The following TMEM132A variants were observed in gnomAD, a reference collection of about 807,000 sequenced individuals.
TMEM132A encodes the protein GRP78-binding protein.
TMEM132A carries 48 observed loss-of-function variants against 69.9 expected under a neutral mutation model. That is an observed-to-expected ratio of 0.69 (90% CI 0.55 to 0.87). The LOEUF (loss-of-function observed/expected upper bound fraction) is 0.87. Among genes scored for constraint, TMEM132A ranks in the 40% least tolerant of loss-of-function variants. The probability of loss-of-function intolerance (pLI) is 0.00; values close to 1 mark genes in which losing one functional copy is unlikely to be tolerated. For missense variants in TMEM132A, 1,287 were observed against 1,407.2 expected (o/e 0.91, Z 1.37); for synonymous variants, 577 against 613.7 (o/e 0.94, Z 0.88).
In TMEM132A at chr11:60,936,720, G is replaced by A. The variant is rs762531068; in HGVS notation, c.2885G>A (p.Arg962Gln). 57 of 1,589,972 alleles carry A rather than the reference G, an allele frequency of 3.6e-5. No homozygotes were observed. Among genetic ancestry groups the A allele is most frequent in the East Asian group, 4.5e-5 (2 of 44,572 alleles). Residue 962 changes from arginine (R) to glutamine (Q), a missense_variant, in exon 11 of 11, where the codon CGA becomes CAA. Physicochemically the swap from Arg to Gln is conservative, Grantham distance 43 (BLOSUM62 1). Transcript: ENST00000453848. ...ARKEAGGRRK[R>Q]VEFVTFAPAP... ...AAGGAGGCTGGGGGGCGGCGGAAGC[G>A]AGTAGAGTTTGTGACATTTGCGCCA... is the stretch of plus-strand genomic sequence containing the variant.
chr11:60,931,921 G>A lies in TMEM132A; in HGVS notation c.1212+37G>A, dbSNP rs766573615. On this transcript the variant is annotated intron_variant, in intron 6 of 10. Coordinates refer to ENST00000453848, the MANE Select transcript of TMEM132A (RefSeq NM_178031.3). ...TCCATCTCTGCCTGGGAAGGCTGGA[G>A]GCCAAGTCCCAGGAGCCCCATGAGC... is the stretch of plus-strand genomic sequence containing the variant. 14 of 1,614,034 alleles carry A rather than the reference G, an allele frequency of 8.7e-6. No homozygotes were observed. In the African/African-American group the frequency reaches 1.5e-4, roughly 17 times the overall value.
rs528088514 is a variant in TMEM132A, at chr11:60,934,668, C to A, written c.1740C>A (p.Leu580=). 1 of 1,599,652 alleles carries A rather than the reference C, an allele frequency of 6.3e-7. No individual in the cohort carries two copies. Among genetic ancestry groups the A allele is most frequent in the East Asian group, 2.2e-5 (1 of 44,750 alleles). The change falls in exon 9 of 11, where the codon CTC becomes CTA. Residue 580 remains leucine (L), a synonymous_variant. Transcript: ENST00000453848. ...ACTGGCTGCTAGACGTGTCCCACCT[C>A]GTGGCGCCACACGCCCGCGTGCTGG... ...GPDWLLDVSH[L]VAPHARVLDS...
At chr11:60,925,452 C>G (rs956316885) in intron 1 of TMEM132A, 1 of 152,184 alleles carries the variant, frequency 6.6e-6, no homozygotes, top group African/African-American at 2.4e-5. Flanking sequence ...GATGGGAGTC[C>G]GTGGGAGTCA....
chr11:60,935,963 G>A lies in TMEM132A; in HGVS notation c.2128G>A (p.Glu710Lys), dbSNP rs1170700598. ...RDLGLSVSAE[E>K]PGAILPAEEQ... Reference sequence around the variant, plus strand: ...CCTGGGACTGTCCGTCTCAGCCGAGGAGCCTGGTGCCATCCTGCCAGCTGA... The same window carrying A: ...CCTGGGACTGTCCGTCTCAGCCGAGAAGCCTGGTGCCATCCTGCCAGCTGA... Residue 710 changes from glutamate (E) to lysine (K), a missense_variant, in exon 11 of 11, where the codon GAG becomes AAG. Glu to Lys is a moderately conservative substitution (Grantham distance 56). Coordinates refer to ENST00000453848, the MANE Select transcript of TMEM132A (RefSeq NM_178031.3). The surrounding 1 kb of genome is among the most constrained non-coding windows in gnomAD (Gnocchi z 5.0). 1.2e-6 allele frequency: 2 copies of A among 1,611,544 alleles called. No individual in the cohort carries two copies. Among genetic ancestry groups the A allele is most frequent in the South Asian group, 1.1e-5 (1 of 90,990 alleles).
Position 60,930,562 on chromosome 11 carries a change from A to G in TMEM132A, c.919A>G (p.Thr307Ala). 1 of 1,613,038 alleles carries G rather than the reference A, an allele frequency of 6.2e-7. No homozygotes were observed. Among genetic ancestry groups the G allele is most frequent in the South Asian group, 1.1e-5 (1 of 90,988 alleles). ...HVTAARPAQP[T>A]LWTAKLDRFK... ...GACAGCCGCCCGCCCAGCCCAGCCC[A>G]CACTCTGGACTGCCAAGCTGGACCG... The change falls in exon 5 of 11, where the codon ACA (threonine) becomes GCA (alanine). Residue 307 changes from threonine (T) to alanine (A), a missense_variant. By Grantham distance (58) the Thr-to-Ala change is moderately conservative. Transcript: ENST00000453848.
At chr11:60,934,133 C>T (rs567964110) in intron 8 of TMEM132A, 12 of 367,434 alleles carry the variant, frequency 3.3e-5, no homozygotes, top group Admixed American at 1.9e-4. Flanking sequence ...TGAACACCCT[C>T]GGAGGGGGCT....
At position 60,937,127 on chromosome 11, in the gene TMEM132A, A is replaced by G. The variant is rs569867348; in HGVS notation, c.*220A>G. 206 of 1,516,952 alleles carry G rather than the reference A, an allele frequency of 1.4e-4. No homozygotes were observed. In the African/African-American group the frequency reaches 2.0e-3, roughly 15 times the overall value. The allele number at this position is 1,516,952 out of a possible 1,614,324, so 94.0% of individuals were successfully genotyped here. A position where few individuals can be genotyped will look rare whatever the true frequency, so the allele number is the denominator to read the frequency against. On this transcript the variant is annotated 3_prime_UTR_variant, in exon 11 of 11. Transcript: ENST00000453848. The stretch of plus-strand genomic sequence containing the variant: ...GCCCCTTATTTATGGGAACCATTTC[A>G]TTCTAACAGAATAAACCGAGAAGGA...
chr11:60,933,898 C>A, intron 8 of TMEM132A, 154 bp downstream of exon 8: 1 of 660,792 alleles, frequency 1.5e-6, no homozygotes, highest in Non-Finnish European at 2.5e-6. Context: ...GGCCGCCCAG[C>A]CAATGATCGC....
In TMEM132A at chr11:60,935,038, G is replaced by T. The variant is rs1253348431; in HGVS notation, c.1837-214G>T. The stretch of plus-strand genomic sequence containing the variant: ...ACTGCCCCCTAGGTGTGGGATTGGG[G>T]TCCAGGTATGCACCGGGGTGCAAAG... On this transcript the variant is annotated intron_variant, in intron 9 of 10. Coordinates refer to ENST00000453848, the MANE Select transcript of TMEM132A (RefSeq NM_178031.3). This position sits in a 1 kb window ranked among gnomAD's most constrained non-coding sequence, Gnocchi z 5.0. Among the ~76,000 whole-genome samples, 1 of 152,174 alleles carries T rather than the reference G, an allele frequency of 6.6e-6. No individual in the cohort carries two copies. The highest frequency in any genetic ancestry group is 1.5e-5 in the Non-Finnish European group (1 of 68,006).
chr11:60,925,830 C>T, intron 1 of TMEM132A: 1 of 152,462 alleles, frequency 6.6e-6, no homozygotes. Flanking sequence ...TTACACAGCC[C>T]TGTCCTGTCC....
At position 60,934,525 on chromosome 11, in the gene TMEM132A, G is replaced by A. The variant is rs778097978; in HGVS notation, c.1597G>A (p.Glu533Lys). ...CGCTGCAGAGGCGTCGGATGAGGCC[G>A]AGCGGCGCGCCCGTGGCTGCCACCT... is the stretch of plus-strand genomic sequence containing the variant. Reference protein sequence around the residue: ...EPAAEASDEAERRARGCHLQY... With the variant: ...EPAAEASDEAKRRARGCHLQY... Residue 533 changes from glutamate (E) to lysine (K), a missense_variant, in exon 9 of 11, where the codon GAG becomes AAG. Physicochemically the swap from Glu to Lys is moderately conservative, Grantham distance 56. Coordinates refer to ENST00000453848, the MANE Select transcript of TMEM132A (RefSeq NM_178031.3). 2 of 1,451,932 alleles carry A rather than the reference G, an allele frequency of 1.4e-6. No homozygotes were observed. The highest frequency in any genetic ancestry group is 1.8e-6 in the Non-Finnish European group (2 of 1,112,036). The allele number at this position is 1,451,932 out of a possible 1,614,324, so 89.9% of individuals were successfully genotyped here.
intron 5 of TMEM132A, 62 bp from the exon 6 acceptor site, chr11:60,931,627 G>C (rs1037730443): frequency 6.6e-7 from 1 of 1,504,494 alleles, no homozygotes; most frequent in Non-Finnish European, 9.1e-7. Flanking sequence ...AATGCAGGAA[G>C]TGCTGAGGCC....
Position 60,927,406 on chromosome 11 carries a change from T to C in TMEM132A, c.303T>C (p.Phe101=). The change falls in exon 2 of 11, where the codon TTT becomes TTC. Residue 101 remains phenylalanine, a synonymous_variant. Transcript: ENST00000453848. ...TTCTCCGGGCCTCCTACCCACCTTT[T>C]GCCACTCAGCAGGTAAGGAGGGGGC... ...QPLLRASYPP[F]ATQQVVPPRV... 1 of 1,612,576 alleles carries C rather than the reference T, an allele frequency of 6.2e-7. No homozygotes were observed. Among genetic ancestry groups the C allele is most frequent in the Non-Finnish European group, 8.5e-7 (1 of 1,179,420 alleles).
At position 60,936,254 on chromosome 11, in the gene TMEM132A, G is replaced by C. The variant is rs372550871; in HGVS notation, c.2419G>C (p.Val807Leu). Reference protein sequence around the residue: ...VAGSVGGNTGVRGKFERAEEE... With the variant: ...VAGSVGGNTGLRGKFERAEEE... ...AGGCAGTGTCGGGGGCAACACAGGT[G>C]TGAGGGGCAAGTTTGAGCGGGCAGA... is the stretch of plus-strand genomic sequence containing the variant. Residue 807 changes from valine to leucine, a missense_variant, in exon 11 of 11, where the codon GTG becomes CTG. By Grantham distance (32) the Val-to-Leu change is conservative (BLOSUM62 1). Transcript: ENST00000453848. 5 of 1,614,116 alleles carry C rather than the reference G, an allele frequency of 3.1e-6. No individual in the cohort carries two copies. The highest frequency in any genetic ancestry group is 4.2e-6 in the Non-Finnish European group (5 of 1,180,004).
chr11:60,932,223 G>A (rs1261086080), intron 7 of TMEM132A, 96 bp downstream of exon 7: 1 of 1,400,752 alleles, frequency 7.1e-7, no homozygotes, highest in Non-Finnish European at 9.4e-7. Context: ...GTCCCCAAGA[G>A]AACAGCTTCT....
At chr11:60,925,174 A>C (rs1856322990) in intron 1 of TMEM132A, 1 of 155,754 alleles carries the variant, frequency 6.4e-6, no homozygotes, top group Non-Finnish European at 1.4e-5. Context: ...TGGGACCTGC[A>C]ACAGACGCAA....
rs768704307 is a variant in TMEM132A, at chr11:60,933,613, C to T, written c.1428C>T (p.Asp476=). 1.9e-6 allele frequency: 3 copies of T among 1,606,692 alleles called. No homozygotes were observed. In the South Asian group the frequency reaches 3.3e-5, roughly 18 times the overall value. ...ESRGARGVRV[D]FWWRRLRASL... The stretch of plus-strand genomic sequence containing the variant: ...GGGGCGCCCGGGGGGTGCGAGTGGA[C>T]TTCTGGTGGCGCCGGCTCCGCGCCT... The change falls in exon 8 of 11, where the codon GAC becomes GAT. Residue 476 remains aspartate (D), a synonymous_variant. Coordinates refer to ENST00000453848, the MANE Select transcript of TMEM132A (RefSeq NM_178031.3).
intron 1 of TMEM132A, among the ~76,000 whole-genome samples, chr11:60,924,995 C>T (rs1856318423): frequency 6.6e-6 from 1 of 152,138 alleles, no homozygotes; most frequent in African/African-American, 2.4e-5. Flanking sequence ...CCGTCCCGCA[C>T]CTTCTGCGAG....
At position 60,924,582 on chromosome 11, in the gene TMEM132A, G is replaced by C. The variant is rs954412880; in HGVS notation, c.-52G>C. ...GGAGCGGGTGCGGGAGATGCCGTGC[G>C]GGACTGGGGCCACCTGAGCCGCCCG... On this transcript the variant is annotated 5_prime_UTR_variant, in exon 1 of 11. Coordinates refer to ENST00000453848, the MANE Select transcript of TMEM132A (RefSeq NM_178031.3). 3 of 1,452,110 alleles carry C rather than the reference G, an allele frequency of 2.1e-6. No homozygotes were observed. In the African/African-American group the frequency reaches 4.4e-5, roughly 21 times the overall value. The allele number at this position is 1,452,110 out of a possible 1,614,324, so 90.0% of individuals were successfully genotyped here.
Sources: allele counts gnomAD v4.1 joint callset (sites outside exome capture counted in the v4.1 genomes callset), GRCh38; gene constraint gnomAD v4.1.1; non-coding constraint Gnocchi (gnomAD v3.1); transcripts MANE v1.5; gene names NCBI Gene and HGNC (gene_info 2026-07-23, HGNC 2026-07-21).